CARF: variants seen among roughly 807,000 people sequenced by gnomAD.
CARF encodes the protein calcium responsive transcription factor, also known as calcium-responsive transcription factor.
A neutral mutation model predicts 82.0 loss-of-function variants in CARF; 57 were observed. The observed-to-expected ratio is 0.70, with a 90% confidence interval of 0.56 to 0.87. The LOEUF (loss-of-function observed/expected upper bound fraction) is 0.87. CARF is among the 40% of genes least tolerant of loss of function. The pLI is 0.00. For synonymous variants in CARF, 268 were observed against 290.1 expected, an observed-to-expected ratio of 0.92 and a Z score of 0.77; for missense variants, 771 against 855.8, an observed-to-expected ratio of 0.90 and a Z score of 1.24.
chr2:202,949,679 T>C (rs1341185484), intron 5 of CARF, among the ~76,000 whole-genome samples: 1 of 151,464 alleles, frequency 6.6e-6, no homozygotes, highest in African/African-American at 2.4e-5. Flanking sequence ...GCCTCCCGAG[T>C]AGCTGGGATT....
rs1553584501 is a variant in CARF, at chr2:202,986,877, T to TATATATATACATATATATATATATATAC, written c.*3262_*3263insCATATATATATATATATACATATATATA. On this transcript the variant is annotated 3_prime_UTR_variant, in exon 17 of 17. Coordinates refer to ENST00000438828, the MANE Select transcript of CARF (RefSeq NM_024744.17). ...TAAAAAATGTCTGTGCGTATATATA[T>TATATATATACATATATATATATATATAC]ATATATATATATATATATATATATA... 4.5e-5 allele frequency: 5 copies of TATATATATACATATATATATATATATAC among 112,306 alleles called. No individual in the cohort carries two copies. The highest frequency in any genetic ancestry group is 1.5e-4 in the African/African-American group (5 of 32,422). The allele number at this position is 112,306 out of a possible 1,614,324, so 7.0% of individuals were successfully genotyped here.
intron 1 of CARF, among the ~76,000 whole-genome samples, chr2:202,916,704 G>T (rs946934065): frequency 1.3e-5 from 2 of 152,126 alleles, no homozygotes; most frequent in African/African-American, 4.8e-5. Flanking sequence ...TCAACAACAT[G>T]GTTGGATGTT....
In CARF at chr2:202,912,755, C is replaced by G. The variant is rs1688859397; in HGVS notation, c.-677C>G. On this transcript the variant is annotated 5_prime_UTR_variant, in exon 1 of 17. Coordinates refer to ENST00000438828, the MANE Select transcript of CARF (RefSeq NM_024744.17). ...CCATCGCCGCGGAGAAGGAGCCGGA[C>G]CCCTTGGGCGGAGCGCCCAATGTGT... 6.6e-6 allele frequency: 1 copy of G among 151,268 alleles called. No individual in the cohort carries two copies. The highest frequency in any genetic ancestry group is 2.4e-5 in the African/African-American group (1 of 41,246). 9.4% of individuals were successfully genotyped at this position (151,268 alleles called of 1,614,324 possible).
At chr2:202,914,550 G>C (rs1214036722) in intron 1 of CARF, among the ~76,000 whole-genome samples, 37 of 151,936 alleles carry the variant, frequency 2.4e-4, no homozygotes, top group Non-Finnish European at 3.5e-4. Context: ...TGGCTGAGGC[G>C]GGTGGAGCAC....
chr2:202,969,993 T>C lies in CARF; in HGVS notation c.1028T>C (p.Ile343Thr). 2 of 1,577,840 alleles carry C rather than the reference T, an allele frequency of 1.3e-6. No homozygotes were observed. Among genetic ancestry groups the C allele is most frequent in the Non-Finnish European group, 1.7e-6 (2 of 1,169,942 alleles). Residue 343 changes from isoleucine (I) to threonine (T), a missense_variant, in exon 11 of 17, where the codon ATC (isoleucine) becomes ACC (threonine). Physicochemically the swap from Ile to Thr is moderately conservative, Grantham distance 89. Coordinates refer to ENST00000438828, the MANE Select transcript of CARF (RefSeq NM_024744.17). ...PTDPKIDKKI[I>T]RMEQEKAFNM... ...GACCCCAAAATTGACAAGAAAATTA[T>C]CAGAATGGAGCAGGAGAAAGCTTTT...
At chr2:202,957,616 A>G (rs575669092) in intron 8 of CARF, among the ~76,000 whole-genome samples, 4 of 152,016 alleles carry the variant, frequency 2.6e-5, no homozygotes, top group African/African-American at 7.2e-5. Context: ...GCCTTTATCT[A>G]TTTCTCTCTT....
chr2:202,942,904 G>A lies in CARF; in HGVS notation c.243G>A (p.Val81=). 4 of 1,613,986 alleles carry A rather than the reference G, an allele frequency of 2.5e-6. No homozygotes were observed. Among genetic ancestry groups the A allele is most frequent in the Non-Finnish European group, 3.4e-6 (4 of 1,180,002 alleles). The change falls in exon 5 of 17, where the codon GTG becomes GTA. Residue 81 remains valine, a synonymous_variant. Transcript: ENST00000438828. Reference sequence around the variant, plus strand: ...TTTCTGCAGAGCAATTCCATCTAGTGGACCAAAATGGGCAGGCTATTCAAT... The same window carrying A: ...TTTCTGCAGAGCAATTCCATCTAGTAGACCAAAATGGGCAGGCTATTCAAT... ...QTLSAEQFHL[V]DQNGQAIQYE... is the part of the protein sequence containing the mutation.
intron 2 of CARF, among the ~76,000 whole-genome samples, chr2:202,920,507 C>T (rs1690600125): frequency 6.6e-6 from 1 of 152,034 alleles, no homozygotes; most frequent in Admixed American, 6.6e-5. Flanking sequence ...TTTTAAAAGT[C>T]AAAGAGCTCT....
chr2:202,965,160 A>G (rs554398746), intron 9 of CARF, among the ~76,000 whole-genome samples: 33 of 152,102 alleles, frequency 2.2e-4, no homozygotes, highest in African/African-American at 7.7e-4. Flanking sequence ...AATATTTGCC[A>G]TATTCTGGGT....
chr2:202,931,862 C>T (rs771355453), intron 3 of CARF, among the ~76,000 whole-genome samples: 9 of 152,098 alleles, frequency 5.9e-5, no homozygotes, highest in Non-Finnish European at 8.8e-5. Context: ...TACAGGAGCG[C>T]TGGGTTCCAG....
intron 14 of CARF, among the ~76,000 whole-genome samples, chr2:202,980,646 A>G (rs1172834166): frequency 1.1e-5 from 1 of 92,190 alleles, no homozygotes; most frequent in South Asian, 3.3e-4. Context: ...ATATATATAT[A>G]TATATATATA....
intron 5 of CARF, among the ~76,000 whole-genome samples, chr2:202,943,400 T>C (rs527987615): frequency 6.6e-6 from 1 of 152,274 alleles, no homozygotes; most frequent in African/African-American, 2.4e-5. Context: ...ACTGTTTCCA[T>C]GACTTTCATT....
intron 10 of CARF, among the ~76,000 whole-genome samples, chr2:202,968,131 T>C (rs2059628251): frequency 1.3e-5 from 2 of 152,232 alleles, no homozygotes; most frequent in East Asian, 3.9e-4. Context: ...TGGCCGAGCA[T>C]GGTGGCTAAC....
At chr2:202,915,380 C>T (rs1559173952) in intron 1 of CARF, among the ~76,000 whole-genome samples, 1 of 152,138 alleles carries the variant, frequency 6.6e-6, no homozygotes, top group Non-Finnish European at 1.5e-5. Context: ...ACTGCAACCT[C>T]TGCCTTCCAG....
At chr2:202,946,426 T>C (rs1216521780) in intron 5 of CARF, among the ~76,000 whole-genome samples, 1 of 152,194 alleles carries the variant, frequency 6.6e-6, no homozygotes, top group Admixed American at 6.6e-5. Context: ...TAAATGGTGC[T>C]GGGAAAACTG....
rs1693804388 is a variant in CARF at position 202,935,591 on chromosome 2, T to A, written c.-43-6269T>A. On this transcript the variant is annotated intron_variant, in intron 3 of 16. Transcript: ENST00000438828. ...GGCACACACCACCATGCCCAGCTAA[T>A]TTTTTTGATCTTTAGTAGAAATAGG... 3.3e-5 allele frequency among the ~76,000 whole-genome samples: 5 copies of A among 151,838 alleles called. No homozygotes were observed. In the South Asian group the frequency reaches 1.0e-3, roughly 32 times the overall value.
At chr2:202,971,471 A>G in intron 11 of CARF, 34 bp from the exon 12 acceptor site, 2 of 1,305,132 alleles carry the variant, frequency 1.5e-6, no homozygotes, top group Non-Finnish European at 2.2e-6. Flanking sequence ...TTAATGTTTA[A>G]ATTTTAGTAA....
rs202109512 is a variant in CARF, at chr2:202,955,054, ATTTGT to A, written c.558-616_558-612del. ...TTCATTATAGTTCCTAAATTTTTAA[ATTTGT>A]TTTATCACATTTTTATGCATAGAAT... On this transcript the variant is annotated intron_variant, in intron 7 of 16. Transcript: ENST00000438828. 1.8e-3 allele frequency among the ~76,000 whole-genome samples: 275 copies of A among 152,120 alleles called. 5 individuals carry two copies. In the East Asian group the frequency reaches 0.044, roughly 24 times the overall value.
At chr2:202,933,943 G>T (rs1693450334) in intron 3 of CARF, among the ~76,000 whole-genome samples, 1 of 151,542 alleles carries the variant, frequency 6.6e-6, no homozygotes, top group African/African-American at 2.4e-5. Context: ...CTAATATGAG[G>T]GTTTAAAGAA....
Sources: allele counts gnomAD v4.1 joint callset (sites outside exome capture counted in the v4.1 genomes callset), GRCh38; gene constraint gnomAD v4.1.1; transcripts MANE v1.5; gene names NCBI Gene and HGNC (gene_info 2026-07-23, HGNC 2026-07-21).